Variants in KCNH1 observed in about 807,000 individuals in gnomAD.
KCNH1 encodes the protein potassium voltage-gated channel subfamily H member 1.
A neutral mutation model predicts 69.2 loss-of-function variants in KCNH1; 27 were observed. The ratio of observed to expected loss-of-function variants is 0.39; its 90% CI spans 0.29 to 0.54. KCNH1 has a LOEUF of 0.54. KCNH1 is among the 20% of genes least tolerant of loss of function. KCNH1 has a pLI of 0.68. For missense variants in KCNH1, 798 were observed against 1,261.6 expected, an observed-to-expected ratio of 0.63 and a Z score of 5.57; for synonymous variants, 456 against 487.7, an observed-to-expected ratio of 0.93 and a Z score of 0.86.
chr1:211,024,928 A>G (rs1042636773), intron 5 of KCNH1, among the ~76,000 whole-genome samples: 1 of 152,164 alleles, frequency 6.6e-6, no homozygotes, highest in Non-Finnish European at 1.5e-5. Flanking sequence ...CTAAGGTCCT[A>G]CCTAGCAAGA....
At chr1:210,733,796 A>G (rs1682802177) in intron 10 of KCNH1, among the ~76,000 whole-genome samples, 1 of 152,186 alleles carries the variant, frequency 6.6e-6, no homozygotes, top group Admixed American at 6.5e-5. Context: ...GTGCACAACA[A>G]AATGGGGAAG....
intron 9 of KCNH1, 125 bp from the exon 10 acceptor site, chr1:210,775,669 C>G: frequency 1.6e-6 from 1 of 644,758 alleles, no homozygotes; most frequent in Non-Finnish European, 2.7e-6. Context: ...TCAGAGAAGG[C>G]AAACACTATT....
chr1:210,724,535 G>C (rs1158338306), intron 10 of KCNH1, among the ~76,000 whole-genome samples: 1 of 152,156 alleles, frequency 6.6e-6, no homozygotes. Flanking sequence ...TTCAGAAAAA[G>C]AAATCCATTT....
At chr1:210,895,225 T>C (rs1686840507) in intron 7 of KCNH1, among the ~76,000 whole-genome samples, 1 of 151,992 alleles carries the variant, frequency 6.6e-6, no homozygotes, top group Non-Finnish European at 1.5e-5. Context: ...GACAAATTAA[T>C]CACAGTGTCT....
At chr1:210,801,550 A>G (rs1205183093) in intron 8 of KCNH1, among the ~76,000 whole-genome samples, 1 of 152,200 alleles carries the variant, frequency 6.6e-6, no homozygotes, top group Non-Finnish European at 1.5e-5. Context: ...TGCAGGACAG[A>G]TCTACAGGGA....
At chr1:210,802,659 C>A (rs1284383541) in intron 8 of KCNH1, among the ~76,000 whole-genome samples, 1 of 152,070 alleles carries the variant, frequency 6.6e-6, no homozygotes, top group East Asian at 1.9e-4. Context: ...TGAAATGCAC[C>A]TAGAATAATA....
At chr1:211,043,217 C>T (rs1219241363) in intron 5 of KCNH1, among the ~76,000 whole-genome samples, 1 of 151,938 alleles carries the variant, frequency 6.6e-6, no homozygotes, top group Non-Finnish European at 1.5e-5. Flanking sequence ...CAAGATTAAC[C>T]AAGAAAAGAA....
intron 10 of KCNH1, among the ~76,000 whole-genome samples, chr1:210,773,444 C>T (rs1287091255): frequency 6.6e-6 from 1 of 152,168 alleles, no homozygotes; most frequent in Non-Finnish European, 1.5e-5. Context: ...GGCACCAAGC[C>T]CTTGCCTTCT....
At chr1:210,993,817 C>G (rs2102391693) in intron 6 of KCNH1, among the ~76,000 whole-genome samples, 1 of 152,232 alleles carries the variant, frequency 6.6e-6, no homozygotes, top group East Asian at 1.9e-4. Flanking sequence ...ACTCTGGGAT[C>G]TCAAGTGAGA....
intron 7 of KCNH1, chr1:210,861,772 G>C (rs1685983257): frequency 1.3e-6 from 1 of 772,812 alleles, no homozygotes; most frequent in South Asian, 1.3e-5. Flanking sequence ...ATGCTGCATT[G>C]CTGCTACCAA....
chr1:210,750,683 A>G (rs1223196200), intron 10 of KCNH1, among the ~76,000 whole-genome samples: 1 of 152,038 alleles, frequency 6.6e-6, no homozygotes, highest in Non-Finnish European at 1.5e-5. Flanking sequence ...AAAGATAAAG[A>G]TAGGAATTAC....
chr1:210,769,574 A>T lies in KCNH1; in HGVS notation c.2112+5774T>A, dbSNP rs1240513511. Among the ~76,000 whole-genome samples, 5 of 152,180 alleles carry T rather than the reference A, an allele frequency of 3.3e-5. No homozygotes were observed. The East Asian group carries it at 9.6e-4, about 29-fold the overall frequency. On this transcript the variant is annotated intron_variant, in intron 10 of 10. Coordinates refer to ENST00000271751, the MANE Select transcript of KCNH1 (RefSeq NM_172362.3). The stretch of plus-strand genomic sequence containing the variant: ...CAAAACAAACTCTATACACAACAAT[A>T]TTGGCTTTAAAAATAAAGCCCTACA...
chr1:211,069,037 G>A (rs1690585142), intron 5 of KCNH1, among the ~76,000 whole-genome samples: 1 of 152,196 alleles, frequency 6.6e-6, no homozygotes, highest in African/African-American at 2.4e-5. Context: ...GAGGAGAAAG[G>A]GAACCATGTT....
chr1:210,837,094 T>C (rs1685298873), intron 7 of KCNH1, among the ~76,000 whole-genome samples: 1 of 152,178 alleles, frequency 6.6e-6, no homozygotes, highest in African/African-American at 2.4e-5. Flanking sequence ...CTAAAGAATA[T>C]GGGGCCTTCC....
intron 5 of KCNH1, among the ~76,000 whole-genome samples, chr1:211,026,239 C>G (rs969152371): frequency 6.6e-6 from 1 of 152,094 alleles, no homozygotes; most frequent in Admixed American, 6.5e-5. Flanking sequence ...TATAAGATGA[C>G]TCTGAAAGGT....
At chr1:210,912,163 G>T (rs1190902181) in intron 7 of KCNH1, among the ~76,000 whole-genome samples, 1 of 152,176 alleles carries the variant, frequency 6.6e-6, no homozygotes, top group Non-Finnish European at 1.5e-5. Context: ...TTATTGGGTT[G>T]TGAAAACTTC....
intron 10 of KCNH1, among the ~76,000 whole-genome samples, chr1:210,761,024 G>A (rs990863324): frequency 1.4e-4 from 21 of 151,744 alleles, no homozygotes; most frequent in Admixed American, 5.9e-4. Context: ...AGGCCGAGGC[G>A]GGCGGATCAC....
At chr1:210,971,910 G>A (rs893804486) in intron 6 of KCNH1, among the ~76,000 whole-genome samples, 1 of 152,048 alleles carries the variant, frequency 6.6e-6, no homozygotes, top group East Asian at 1.9e-4. Context: ...GATTTAGTGT[G>A]CATATAATCC....
chr1:210,870,270 CA>C (rs1410964005), intron 7 of KCNH1, among the ~76,000 whole-genome samples: 1 of 152,102 alleles, frequency 6.6e-6, no homozygotes, highest in Non-Finnish European at 1.5e-5. Flanking sequence ...TATGTTAATA[CA>C]GTGAAAAAAC....
Sources: gnomAD v4.1 joint callset for allele counts (sites outside exome capture counted in the v4.1 genomes callset) on GRCh38, gnomAD v4.1.1 for gene constraint, MANE v1.5 for transcripts, NCBI Gene and HGNC (gene_info 2026-07-23, HGNC 2026-07-21) for gene names.